Variants in RALYL observed in about 807,000 individuals in gnomAD.
RALYL encodes RALY RNA binding protein like, also known as RNA-binding Raly-like protein.
Under a neutral mutation model 35.1 loss-of-function variants are expected in RALYL, and 29 were observed. The ratio of observed to expected loss-of-function variants is 0.83; its 90% CI spans 0.61 to 1.13. The LOEUF is 1.13. RALYL is among the 50% of genes most tolerant of loss of function. The pLI, the probability that RALYL is intolerant of heterozygous loss-of-function variation, is 0.00. For missense variants in RALYL, 359 were observed against 360.4 expected (o/e 1.00, Z 0.03); for synonymous variants, 120 against 127.6 (o/e 0.94, Z 0.40).
At chr8:84,228,545 G>A (rs1352838837) in intron 1 of RALYL, among the ~76,000 whole-genome samples, 1 of 152,172 alleles carries the variant, frequency 6.6e-6, no homozygotes, top group African/African-American at 2.4e-5. Flanking sequence ...TTGGCAGATA[G>A]AGGAAAACAC....
chr8:84,849,836 C>T (rs1022385072), intron 4 of RALYL, 144 bp from the exon 5 acceptor site: 4 of 502,746 alleles, frequency 8.0e-6, no homozygotes, highest in Admixed American at 8.2e-5. Context: ...TGGACATTAT[C>T]TTGGAAGGTC....
chr8:84,768,641 C>T (rs914858678), intron 2 of RALYL, among the ~76,000 whole-genome samples: 3 of 152,196 alleles, frequency 2.0e-5, no homozygotes, highest in African/African-American at 7.2e-5. Flanking sequence ...GGCTCACTTC[C>T]ACTGCCCAGC....
intron 1 of RALYL, among the ~76,000 whole-genome samples, chr8:84,334,644 T>C (rs899793987): frequency 6.6e-6 from 1 of 152,064 alleles, no homozygotes; most frequent in African/African-American, 2.4e-5. Context: ...ATAAATTTTA[T>C]TGGTTTTCCC....
intron 1 of RALYL, among the ~76,000 whole-genome samples, chr8:84,522,529 G>A (rs538371526): frequency 3.3e-5 from 5 of 152,206 alleles, no homozygotes; most frequent in South Asian, 4.2e-4. Context: ...GATTACAGGC[G>A]TGAGCCACCG....
At chr8:84,461,137 AAG>A (rs773005163) in intron 1 of RALYL, among the ~76,000 whole-genome samples, 8 of 151,646 alleles carry the variant, frequency 5.3e-5, no homozygotes, top group Non-Finnish European at 8.9e-5. Flanking sequence ...AAATTTCTAA[AAG>A]ATTACTCTGA....
At chr8:84,690,738 C>T (rs1837864050) in intron 2 of RALYL, among the ~76,000 whole-genome samples, 1 of 151,886 alleles carries the variant, frequency 6.6e-6, no homozygotes, top group African/African-American at 2.4e-5. Context: ...TTCTCACATG[C>T]ATATAACATA....
rs764942491 is a variant in RALYL, at chr8:84,253,176, G to GTTTTTTT, written c.-24+68777_-24+68783dup. 2.6e-4 allele frequency among the ~76,000 whole-genome samples: 14 copies of GTTTTTTT among 52,858 alleles called. 4 individuals carry two copies. Among genetic ancestry groups the GTTTTTTT allele is most frequent in the African/African-American group, 9.5e-4 (11 of 11,558 alleles). The allele number at this position is 52,858 out of a possible 152,430, so 34.7% of individuals were successfully genotyped here. On this transcript the variant is annotated intron_variant, in intron 1 of 8. Coordinates refer to ENST00000521268, the MANE Select transcript of RALYL (RefSeq NM_173848.7). ...GTATGTGTCTGTGTGTAGTTCTGCA[G>GTTTTTTT]TTTTTTTTTTTTTTTTTTTTTTTTT... is the stretch of plus-strand genomic sequence containing the variant.
chr8:84,503,013 GT>G (rs1158764462), intron 1 of RALYL, among the ~76,000 whole-genome samples: 2 of 151,944 alleles, frequency 1.3e-5, no homozygotes, highest in Non-Finnish European at 2.9e-5. Flanking sequence ...TGAATAATCA[GT>G]TTTAGTAATG....
chr8:84,615,752 C>A (rs1819436467), intron 2 of RALYL, among the ~76,000 whole-genome samples: 1 of 105,588 alleles, frequency 9.5e-6, no homozygotes, highest in Non-Finnish European at 1.8e-5. Context: ...CCCCTCCCCC[C>A]ACCCCACAAC....
intron 2 of RALYL, among the ~76,000 whole-genome samples, chr8:84,700,275 G>A (rs1172306319): frequency 6.6e-6 from 1 of 151,984 alleles, no homozygotes; most frequent in African/African-American, 2.4e-5. Flanking sequence ...AGTTATAAAG[G>A]ATAAACATTT....
At chr8:84,358,254 T>A (rs1388777295) in intron 1 of RALYL, among the ~76,000 whole-genome samples, 1 of 152,026 alleles carries the variant, frequency 6.6e-6, no homozygotes, top group East Asian at 1.9e-4. Flanking sequence ...TAATTCCTCT[T>A]AAAAAATTAA....
chr8:84,547,029 T>C (rs2060405651), intron 2 of RALYL, among the ~76,000 whole-genome samples: 1 of 152,132 alleles, frequency 6.6e-6, no homozygotes, highest in African/African-American at 2.4e-5. Context: ...AAGGTATACA[T>C]GTGCCATGGT....
chr8:84,823,513 A>C (rs1212765513), intron 4 of RALYL, among the ~76,000 whole-genome samples: 1 of 152,126 alleles, frequency 6.6e-6, no homozygotes, highest in Non-Finnish European at 1.5e-5. Context: ...CATTTTTCTT[A>C]AAAGAGACAC....
chr8:84,413,414 GA>G (rs200084963), intron 1 of RALYL, among the ~76,000 whole-genome samples: 4,408 of 148,220 alleles, frequency 0.03, 214 homozygotes, highest in African/African-American at 0.1. Context: ...TACTGATGGA[GA>G]AAAAAAAAAT....
At chr8:84,680,097 G>A (rs1312807804) in intron 2 of RALYL, among the ~76,000 whole-genome samples, 3 of 151,896 alleles carry the variant, frequency 2.0e-5, no homozygotes, top group Admixed American at 6.6e-5. Context: ...GAGAACATGC[G>A]GTGTTTGGTT....
Position 84,920,874 on chromosome 8 carries a change from AT to A in RALYL, c.859-11del, listed in dbSNP as rs745688688. 3.6e-4 allele frequency: 452 copies of A among 1,251,282 alleles called. No individual in the cohort carries two copies. The highest frequency in any genetic ancestry group is 6.0e-4 in the Middle Eastern group (3 of 5,008). 77.5% of individuals were successfully genotyped at this position (1,251,282 alleles called of 1,614,324 possible). On this transcript the variant is annotated intron_variant, in intron 8 of 8. Transcript: ENST00000521268. ...AAAACACAAATCTCTGTATTTTAAA[AT>A]TTTTTTTTATTTTCTCAGTTTCTAC... is the stretch of plus-strand genomic sequence containing the variant.
At chr8:84,546,267 A>G (rs891798118) in intron 2 of RALYL, among the ~76,000 whole-genome samples, 2 of 152,100 alleles carry the variant, frequency 1.3e-5, no homozygotes, top group African/African-American at 4.8e-5. Context: ...CTACAGGCAC[A>G]TGCCACCATG....
At chr8:84,780,353 T>G (rs1817847309) in intron 3 of RALYL, among the ~76,000 whole-genome samples, 1 of 152,164 alleles carries the variant, frequency 6.6e-6, no homozygotes, top group Non-Finnish European at 1.5e-5. Flanking sequence ...CTGCTCAGGA[T>G]CCTATCTTTC....
intron 8 of RALYL, among the ~76,000 whole-genome samples, chr8:84,912,299 A>C (rs1331831121): frequency 6.6e-6 from 1 of 152,114 alleles, no homozygotes; most frequent in Non-Finnish European, 1.5e-5. Flanking sequence ...TATCACCCTT[A>C]TCATTTAGGA....
Sources: gnomAD v4.1 joint callset for allele counts (sites outside exome capture counted in the v4.1 genomes callset) on GRCh38, gnomAD v4.1.1 for gene constraint, MANE v1.5 for transcripts, NCBI Gene and HGNC (gene_info 2026-07-23, HGNC 2026-07-21) for gene names.